TPST2: variants seen among roughly 807,000 people sequenced by gnomAD.
TPST2 encodes tyrosylprotein sulfotransferase 2.
Under a neutral mutation model 27.8 loss-of-function variants are expected in TPST2, and 16 were observed. That is an observed-to-expected ratio of 0.58 (90% CI 0.39 to 0.88). TPST2 has a LOEUF of 0.88. Ranked by LOEUF, TPST2 falls within the 40% of genes least tolerant of loss-of-function variation. TPST2 has a pLI of 0.00. For synonymous variants in TPST2, 229 were observed against 231.7 expected (o/e 0.99, Z 0.10); for missense variants, 464 against 543.1 (o/e 0.85, Z 1.45).
chr22:26,589,604 G>A (rs1370484712), intron 1 of TPST2, among the ~76,000 whole-genome samples: 2 of 152,162 alleles, frequency 1.3e-5, no homozygotes, highest in Non-Finnish European at 1.5e-5. Context: ...CACTTCTGAC[G>A]CTCCTCGCAA....
At chr22:26,547,521 G>A (rs1159348368) in intron 1 of TPST2, 1 of 152,198 alleles carries the variant, frequency 6.6e-6, no homozygotes, top group Non-Finnish European at 1.5e-5. Flanking sequence ...CAGGCAGGTG[G>A]TGGCATGTTC....
At position 26,522,418 on chromosome 22, in the gene TPST2, G is replaced by C. The variant is rs1924601049; in HGVS notation, c.*3857C>G. On this transcript the variant is annotated 3_prime_UTR_variant, in exon 7 of 7. Transcript: ENST00000338754. ...CCAAGCTGGACAGAGGATGGGCCAGGGCACAAGTGACGGCTGACCCACTGA... is the reference window on the plus strand; with the variant it reads ...CCAAGCTGGACAGAGGATGGGCCAGCGCACAAGTGACGGCTGACCCACTGA... The C allele has an allele frequency of 6.6e-6, 1 of 152,184 alleles. No individual in the cohort carries two copies. The highest frequency in any genetic ancestry group is 6.6e-5 in the Admixed American group (1 of 15,264). The allele number at this position is 152,184 out of a possible 1,614,324, so 9.4% of individuals were successfully genotyped here.
In TPST2 at chr22:26,536,474, G is replaced by A. The variant is rs770830219; in HGVS notation, c.855C>T (p.Ser285=). Residue 285 remains serine, a synonymous_variant, in exon 4 of 7, where the codon TCC becomes TCT. Transcript: ENST00000338754. ...GGVSLSKIER[S]TDQVIKPVNL... ...TAACAGGCTTGATGACCTGGTCCGT[G>A]GACCGCTCGATCCTGGGGAGAGAGG... 2.0e-6 allele frequency: 3 copies of A among 1,536,370 alleles called. No homozygotes were observed. Among genetic ancestry groups the A allele is most frequent in the Non-Finnish European group, 2.6e-6 (3 of 1,141,478 alleles).
intron 4 of TPST2, chr22:26,535,782 C>A (rs1462501030): frequency 1.3e-5 from 4 of 312,566 alleles, no homozygotes; most frequent in Non-Finnish European, 6.2e-6. Flanking sequence ...TCAAACAAAA[C>A]AGTACAAAAC....
chr22:26,568,001 A>C (rs1056628438), intron 1 of TPST2, among the ~76,000 whole-genome samples: 2 of 152,248 alleles, frequency 1.3e-5, no homozygotes, highest in African/African-American at 4.8e-5. Context: ...CTCTGGCTTA[A>C]CTGAGACAAA....
intron 1 of TPST2, among the ~76,000 whole-genome samples, chr22:26,569,127 C>T (rs950967396): frequency 5.9e-5 from 9 of 152,048 alleles, no homozygotes; most frequent in East Asian, 3.9e-4. Context: ...CCTCCCAAAG[C>T]GCTGGGATTA....
chr22:26,528,193 C>T (rs1405221698), intron 6 of TPST2, 21 bp downstream of exon 6: 1 of 1,556,754 alleles, frequency 6.4e-7, no homozygotes, highest in Non-Finnish European at 8.7e-7. Flanking sequence ...CGGGAACCCC[C>T]AGTGAAGTCC....
intron 1 of TPST2, among the ~76,000 whole-genome samples, chr22:26,566,250 C>T (rs1927372548): frequency 6.6e-6 from 1 of 152,028 alleles, no homozygotes. Flanking sequence ...AACCCTGTCT[C>T]TATTAAAAAT....
intron 1 of TPST2, among the ~76,000 whole-genome samples, chr22:26,582,691 G>A (rs548606988): frequency 6.6e-6 from 1 of 152,232 alleles, no homozygotes; most frequent in Non-Finnish European, 1.5e-5. Flanking sequence ...TATTCTAGTG[G>A]AAGACGTCAC....
intron 1 of TPST2, among the ~76,000 whole-genome samples, chr22:26,553,869 T>C (rs1034465705): frequency 6.6e-6 from 1 of 152,202 alleles, no homozygotes; most frequent in African/African-American, 2.4e-5. Context: ...TACACTGTAT[T>C]GTTTAGAGAA....
At chr22:26,564,036 T>A (rs547024331) in intron 1 of TPST2, among the ~76,000 whole-genome samples, 9 of 152,194 alleles carry the variant, frequency 5.9e-5, no homozygotes, top group Non-Finnish European at 1.0e-4. Flanking sequence ...GCAGTCTGCA[T>A]GTTCCCCTTC....
Position 26,540,916 on chromosome 22 carries a change from C to G in TPST2, c.715G>C (p.Glu239Gln), listed in dbSNP as rs768953365. 6.2e-7 allele frequency: 1 copy of G among 1,614,154 alleles called. No homozygotes were observed. Among genetic ancestry groups the G allele is most frequent in the Non-Finnish European group, 8.5e-7 (1 of 1,180,026 alleles). Reference sequence around the variant, plus strand: ...CGCCTGGGGTGCAGCACCAGCTGCTCGTAGTACACAGGCAGGCACTTCTCC... The same window carrying G: ...CGCCTGGGGTGCAGCACCAGCTGCTGGTAGTACACAGGCAGGCACTTCTCC... Reference protein sequence around the residue: ...GKEKCLPVYYEQLVLHPRRSL... With the variant: ...GKEKCLPVYYQQLVLHPRRSL... Residue 239 changes from glutamate (E) to glutamine (Q), a missense_variant, in exon 3 of 7, where the codon GAG becomes CAG. Physicochemically the swap from Glu to Gln is conservative, Grantham distance 29 (BLOSUM62 2). Coordinates refer to ENST00000338754, the MANE Select transcript of TPST2 (RefSeq NM_003595.5).
intron 5 of TPST2, among the ~76,000 whole-genome samples, chr22:26,528,585 A>T (rs750449924): frequency 1.3e-5 from 2 of 152,112 alleles, no homozygotes; most frequent in Non-Finnish European, 2.9e-5. Flanking sequence ...CCAGGAAAGG[A>T]CTCTACAAGA....
At position 26,575,537 on chromosome 22, in the gene TPST2, T is replaced by C. The variant is rs908141299; in HGVS notation, c.-161+14516A>G. 2.0e-5 allele frequency among the ~76,000 whole-genome samples: 3 copies of C among 152,170 alleles called. No homozygotes were observed. The South Asian group carries it at 6.2e-4, about 32-fold the overall frequency. On this transcript the variant is annotated intron_variant, in intron 1 of 6. Transcript: ENST00000338754. ...CCTCCCCTTGTGTCCATCTAAAATATCAGCTCTCCCAGGGCAGGAACAGGG... is the reference window on the plus strand; with the variant it reads ...CCTCCCCTTGTGTCCATCTAAAATACCAGCTCTCCCAGGGCAGGAACAGGG...
intron 1 of TPST2, among the ~76,000 whole-genome samples, chr22:26,577,095 CAAAAA>C (rs34865016): frequency 2.0e-4 from 15 of 75,508 alleles, no homozygotes; most frequent in Admixed American, 5.2e-4. Context: ...GACTCTGTTG[CAAAAA>C]AAAAAAAAAA....
At position 26,536,439 on chromosome 22, in the gene TPST2, G is replaced by A. The variant is rs139640092; in HGVS notation, c.890C>T (p.Ala297Val). 1.1e-5 allele frequency: 17 copies of A among 1,559,416 alleles called. No homozygotes were observed. The highest frequency in any genetic ancestry group is 2.4e-5 in the South Asian group (2 of 82,488). The stretch of plus-strand genomic sequence containing the variant: ...GATGTGGCCAGTCCACTTGGAGAGC[G>A]CTTCCAGGTTAACAGGCTTGATGAC... The part of the protein sequence containing the change: ...DQVIKPVNLE[A>V]LSKWTGHIPG... The change falls in exon 4 of 7, where the codon GCG becomes GTG. Residue 297 changes from alanine to valine, a missense_variant. Transcript: ENST00000338754.
At chr22:26,550,515 C>T (rs1337359245) in intron 1 of TPST2, 3 of 887,748 alleles carry the variant, frequency 3.4e-6, no homozygotes, top group Admixed American at 6.2e-5. Context: ...AAGAGAAAAG[C>T]GGCAGGGGGG....
intron 5 of TPST2, among the ~76,000 whole-genome samples, chr22:26,529,787 C>T (rs532653620): frequency 1.2e-4 from 18 of 152,194 alleles, no homozygotes; most frequent in African/African-American, 3.9e-4. Context: ...GTGGCACGAA[C>T]ATGTGCCACA....
chr22:26,580,179 G>A (rs1420520208), intron 1 of TPST2, among the ~76,000 whole-genome samples: 1 of 152,124 alleles, frequency 6.6e-6, no homozygotes, highest in African/African-American at 2.4e-5. Context: ...AGGAGTTCAA[G>A]GCTGCAATGC....
Sources: gnomAD v4.1 joint callset for allele counts (sites outside exome capture counted in the v4.1 genomes callset) on GRCh38, gnomAD v4.1.1 for gene constraint, MANE v1.5 for transcripts, NCBI Gene and HGNC (gene_info 2026-07-23, HGNC 2026-07-21) for gene names.